The following NCKAP5 variants were observed in gnomAD, a reference collection of about 807,000 sequenced individuals.
NCKAP5 encodes the protein NCK associated protein 5, also known as nck-associated protein 5.
NCKAP5 carries 92 observed loss-of-function variants against 167.0 expected under a neutral mutation model. The observed-to-expected ratio is 0.55, with a 90% confidence interval of 0.47 to 0.66. NCKAP5 has a LOEUF of 0.66. Among genes scored for constraint, NCKAP5 ranks in the 30% least tolerant of loss-of-function variants. NCKAP5 has a pLI of 0.00. For synonymous variants in NCKAP5, 891 were observed against 877.4 expected, an observed-to-expected ratio of 1.02 and a Z score of -0.27; for missense variants, 2,378 against 2,315.0, an observed-to-expected ratio of 1.03 and a Z score of -0.56.
intron 4 of NCKAP5, among the ~76,000 whole-genome samples, chr2:133,296,614 T>G: frequency 6.6e-6 from 1 of 152,376 alleles, no homozygotes. Context: ...TAAAAACATG[T>G]GTTTTATAAA....
intron 7 of NCKAP5, among the ~76,000 whole-genome samples, chr2:132,972,053 ATAAT>A (rs1474727873): frequency 1.3e-5 from 2 of 152,212 alleles, no homozygotes; most frequent in African/African-American, 4.8e-5. Context: ...AAATGAACAG[ATAAT>A]TAATCATCCA....
At chr2:132,687,490 C>A in intron 19 of NCKAP5, among the ~76,000 whole-genome samples, 1 of 152,216 alleles carries the variant, frequency 6.6e-6, no homozygotes, top group East Asian at 1.9e-4. Flanking sequence ...TGTGCGGTTT[C>A]TCTGCCATGT....
intron 8 of NCKAP5, among the ~76,000 whole-genome samples, chr2:132,946,994 T>C (rs778619129): frequency 5.9e-5 from 9 of 152,216 alleles, no homozygotes; most frequent in Admixed American, 1.3e-4. Flanking sequence ...ATGAAAAAAG[T>C]TGTGGTGTTT....
At chr2:133,392,429 A>G (rs1477434055) in intron 3 of NCKAP5, among the ~76,000 whole-genome samples, 1 of 152,198 alleles carries the variant, frequency 6.6e-6, no homozygotes, top group African/African-American at 2.4e-5. Context: ...TGCATTTCTC[A>G]GAATACATTC....
At chr2:132,716,101 C>G (rs1290475400) in intron 19 of NCKAP5, among the ~76,000 whole-genome samples, 2 of 152,098 alleles carry the variant, frequency 1.3e-5, no homozygotes, top group African/African-American at 4.8e-5. Flanking sequence ...CAAAATGTCT[C>G]CAGACATTTG....
intron 7 of NCKAP5, among the ~76,000 whole-genome samples, chr2:132,977,016 A>T (rs2149255609): frequency 6.6e-6 from 1 of 152,336 alleles, no homozygotes; most frequent in South Asian, 2.1e-4. Flanking sequence ...AATAACAATG[A>T]TAATAATAAT....
At chr2:132,884,925 C>T (rs1359682570) in intron 8 of NCKAP5, among the ~76,000 whole-genome samples, 1 of 152,186 alleles carries the variant, frequency 6.6e-6, no homozygotes, top group Non-Finnish European at 1.5e-5. Flanking sequence ...GTTTACATTA[C>T]TTGCCTCACG....
chr2:133,344,439 G>A (rs533770298), intron 3 of NCKAP5, among the ~76,000 whole-genome samples: 5 of 151,160 alleles, frequency 3.3e-5, no homozygotes, highest in Admixed American at 6.6e-5. Flanking sequence ...ATAAAAACGC[G>A]AGGCAGGGAG....
chr2:133,142,626 T>C (rs1017609394), intron 5 of NCKAP5, among the ~76,000 whole-genome samples: 52 of 152,146 alleles, frequency 3.4e-4, no homozygotes, highest in African/African-American at 1.3e-3. Context: ...TTTTTCCACA[T>C]GGACACATTA....
chr2:133,125,418 A>G (rs1302281522), intron 6 of NCKAP5, among the ~76,000 whole-genome samples: 2 of 152,168 alleles, frequency 1.3e-5, no homozygotes, highest in African/African-American at 2.4e-5. Context: ...CCATAGTCTC[A>G]TCTACAGCAT....
chr2:132,702,866 G>A (rs899106922), intron 19 of NCKAP5, among the ~76,000 whole-genome samples: 6 of 152,114 alleles, frequency 3.9e-5, no homozygotes, highest in African/African-American at 1.2e-4. Flanking sequence ...ATCTGAGTCT[G>A]TTATCATTTG....
chr2:132,850,044 A>AG (rs1349763078), intron 11 of NCKAP5, among the ~76,000 whole-genome samples: 1 of 152,192 alleles, frequency 6.6e-6, no homozygotes, highest in African/African-American at 2.4e-5. Context: ...ATAACCAGGG[A>AG]GGGGGGTAGA....
At chr2:133,574,209 G>C in the NCKAP5 span, among the ~76,000 whole-genome samples, 1 of 152,214 alleles carries the variant, frequency 6.6e-6, no homozygotes, top group Non-Finnish European at 1.5e-5. Context: ...GCCCTGAATG[G>C]TGTTGACAGT....
chr2:133,360,111 A>G (rs867350592), intron 3 of NCKAP5, among the ~76,000 whole-genome samples: 1 of 152,192 alleles, frequency 6.6e-6, no homozygotes, highest in Admixed American at 6.5e-5. Flanking sequence ...GACAATGCAC[A>G]TGAATCTCTC....
chr2:132,789,914 G>T, intron 13 of NCKAP5, 109 bp downstream of exon 13: 1 of 1,015,400 alleles, frequency 9.8e-7, no homozygotes, highest in Non-Finnish European at 1.4e-6. Context: ...CAGGTGCTCA[G>T]CAAATGGTGG....
intron 5 of NCKAP5, among the ~76,000 whole-genome samples, chr2:133,206,931 A>G (rs894968568): frequency 1.3e-5 from 2 of 152,108 alleles, no homozygotes; most frequent in Admixed American, 6.6e-5. Flanking sequence ...CACACTTACT[A>G]GGATTGGGAA....
chr2:133,673,624 C>T, the NCKAP5 span, among the ~76,000 whole-genome samples: 1 of 152,156 alleles, frequency 6.6e-6, no homozygotes, highest in African/African-American at 2.4e-5. Flanking sequence ...TCAGGACAAA[C>T]TTAATGGGTA....
chr2:132,925,284 G>A (rs889101081), intron 8 of NCKAP5, among the ~76,000 whole-genome samples: 2 of 152,052 alleles, frequency 1.3e-5, no homozygotes, highest in African/African-American at 4.8e-5. Context: ...GCCAGGCACG[G>A]TGGCTCACGC....
rs35760716 is a variant in NCKAP5, at chr2:133,308,689, C to CTTTT, written c.70-5583_70-5580dup. 2.5e-3 allele frequency among the ~76,000 whole-genome samples: 147 copies of CTTTT among 59,288 alleles called. 15 individuals are homozygous for CTTTT. The highest frequency in any genetic ancestry group is 0.014 in the Middle Eastern group (1 of 74). 38.9% of individuals were successfully genotyped at this position (59,288 alleles called of 152,430 possible). A position where few individuals can be genotyped will look rare whatever the true frequency, so the allele number is the denominator to read the frequency against. ...TTTTTTCGTTTGAAGAAATACAATT[C>CTTTT]TTTTTTTTTTTTTTTTTTTTTTTTT... On this transcript the variant is annotated intron_variant, in intron 3 of 19. Coordinates refer to ENST00000409261, the MANE Select transcript of NCKAP5 (RefSeq NM_207363.3).
Sources: gnomAD v4.1 joint callset for allele counts (sites outside exome capture counted in the v4.1 genomes callset) on GRCh38, gnomAD v4.1.1 for gene constraint, MANE v1.5 for transcripts, NCBI Gene and HGNC (gene_info 2026-07-23, HGNC 2026-07-21) for gene names.